The following LRP1 variants were observed in gnomAD, a reference collection of about 807,000 sequenced individuals.
The protein encoded by LRP1 is LDL receptor related protein 1, also known as prolow-density lipoprotein receptor-related protein 1.
Under a neutral mutation model 541.5 loss-of-function variants are expected in LRP1, and 51 were observed. The ratio of observed to expected loss-of-function variants is 0.09; its 90% confidence interval spans 0.08 to 0.12. The LOEUF is 0.12. Ranked by LOEUF, LRP1 falls within the 10% of genes least tolerant of loss-of-function variation. The pLI is 1.00. For synonymous variants in LRP1, 2,219 were observed against 2,470.8 expected, an observed-to-expected ratio of 0.90 and a Z score of 3.02; for missense variants, 3,878 against 6,376.2, an observed-to-expected ratio of 0.61 and a Z score of 13.34.
intron 6 of LRP1, among the ~76,000 whole-genome samples, chr12:57,150,267 C>T (rs971809244): frequency 7.3e-6 from 1 of 136,930 alleles, no homozygotes; most frequent in Admixed American, 8.2e-5. Context: ...TCTTGGCTCA[C>T]TGCAAGCTCT....
chr12:57,181,023 G>A (rs2036154410), intron 33 of LRP1, 134 bp from the exon 34 acceptor site: 1 of 1,265,112 alleles, frequency 7.9e-7, no homozygotes, highest in Non-Finnish European at 1.1e-6. Flanking sequence ...AAACCTGAGA[G>A]CTGGGTAGGG....
At position 57,165,786 on chromosome 12, in the gene LRP1, G is replaced by T. The variant is rs781345082; in HGVS notation, c.2531-19G>T. ...ACCGGGGTCTGACTTTCCCCCTCAC[G>T]ATCCTGTGGTGCCCACAGCGAACCC... On this transcript the variant is annotated intron_variant, in intron 15 of 88. Transcript: ENST00000243077. The surrounding 1 kb of genome is among the most constrained non-coding windows in gnomAD (Gnocchi z 4.5). 6.2e-7 allele frequency: 1 copy of T among 1,605,826 alleles called. No individual in the cohort carries two copies. The highest frequency in any genetic ancestry group is 8.5e-7 in the Non-Finnish European group (1 of 1,172,900).
In LRP1 at chr12:57,211,681, C is replaced by G. The variant is rs558905137; in HGVS notation, c.13194-69C>G. On this transcript the variant is annotated intron_variant, in intron 85 of 88. Coordinates refer to ENST00000243077, the MANE Select transcript of LRP1 (RefSeq NM_002332.3). The surrounding 1 kb of genome is among the most constrained non-coding windows in gnomAD (Gnocchi z 4.3). ...CCGTCAGGCCTCAGTGCCCACCCCC[C>G]GCCCTGTTTTCCTGGCAGCAGTGGC... 1.9e-5 allele frequency: 25 copies of G among 1,322,594 alleles called. 1 individual carries two copies. In the East Asian group the frequency reaches 5.6e-4, roughly 30 times the overall value. 81.9% of individuals were successfully genotyped at this position (1,322,594 alleles called of 1,614,324 possible). A position where few individuals can be genotyped will look rare whatever the true frequency, so the allele number is the denominator to read the frequency against.
chr12:57,202,543 T>TGGGGCCCCCCCCCCCCCCCCCCC lies in LRP1; in HGVS notation c.10711+6_10711+7insGGGGCCCCCCCCCCCCCCCCCCC. 6.6e-7 allele frequency: 1 copy of TGGGGCCCCCCCCCCCCCCCCCCC among 1,523,632 alleles called. No individual in the cohort carries two copies. Among genetic ancestry groups the TGGGGCCCCCCCCCCCCCCCCCCC allele is most frequent in the Non-Finnish European group, 8.9e-7 (1 of 1,124,810 alleles). The allele number at this position is 1,523,632 out of a possible 1,614,324, so 94.4% of individuals were successfully genotyped here. ...CTCCGATGAAGAGAGCTGCAGTACG[T>TGGGGCCCCCCCCCCCCCCCCCCC]CCCCACCCACCCAGCCCCGCATGAG... On this transcript the variant is annotated splice_region_variant and intron_variant, in intron 68 of 88. Coordinates refer to ENST00000243077, the MANE Select transcript of LRP1 (RefSeq NM_002332.3).
chr12:57,190,115 G>C (rs1181472464), intron 42 of LRP1, among the ~76,000 whole-genome samples: 1 of 152,142 alleles, frequency 6.6e-6, no homozygotes, highest in Non-Finnish European at 1.5e-5. Flanking sequence ...TTACGAGGCA[G>C]AACGGTGGCT....
At chr12:57,163,206 A>C (rs567402296) in intron 15 of LRP1, among the ~76,000 whole-genome samples, 2 of 152,314 alleles carry the variant, frequency 1.3e-5, no homozygotes, top group East Asian at 3.8e-4. Flanking sequence ...AGGGGATGGC[A>C]ATTAGGGGAA....
chr12:57,202,427 G>A lies in LRP1; in HGVS notation c.10601G>A (p.Arg3534His). ...TGACACTTGCCTCCTCCAGATGAAC[G>A]CACCTGTGAGCCATACCAGTTCCGC... The part of the protein sequence containing the change: ...SDEPKEECDE[R>H]TCEPYQFRCK... The change falls in exon 68 of 89, where the codon CGC becomes CAC. Residue 3534 changes from arginine (R) to histidine (H), a missense_variant. Arg to His is a conservative substitution (Grantham distance 29). Coordinates refer to ENST00000243077, the MANE Select transcript of LRP1 (RefSeq NM_002332.3). The A allele has an allele frequency of 1.2e-6, 2 of 1,611,942 alleles. No homozygotes were observed. Among genetic ancestry groups the A allele is most frequent in the South Asian group, 1.1e-5 (1 of 91,020 alleles).
rs7488264 is a variant in LRP1 at position 57,194,266 on chromosome 12, A to T, written c.7919-88A>T. 4.2e-6 allele frequency: 6 copies of T among 1,423,490 alleles called. No homozygotes were observed. The African/African-American group carries it at 5.7e-5, about 14-fold the overall frequency. 88.2% of individuals were successfully genotyped at this position (1,423,490 alleles called of 1,614,324 possible). On this transcript the variant is annotated intron_variant, in intron 48 of 88. Coordinates refer to ENST00000243077, the MANE Select transcript of LRP1 (RefSeq NM_002332.3). ...AGGGCACCGTTCAACTTTTGGAAAC[A>T]CATGAAGGCTCCATAGGGCTGGCAG...
chr12:57,191,022 G>C lies in LRP1; in HGVS notation c.7236+13G>C. The C allele has an allele frequency of 6.2e-7, 1 of 1,606,482 alleles. No homozygotes were observed. The highest frequency in any genetic ancestry group is 8.5e-7 in the Non-Finnish European group (1 of 1,178,344). ...CTCCCACCGCTATGTGAGTCTGCGG[G>C]GTGGGTGAGCTGGCGGGCGGCTGAG... On this transcript the variant is annotated intron_variant, in intron 43 of 88. Coordinates refer to ENST00000243077, the MANE Select transcript of LRP1 (RefSeq NM_002332.3).
intron 58 of LRP1, 45 bp from the exon 59 acceptor site, chr12:57,198,111 C>T: frequency 6.5e-7 from 1 of 1,546,186 alleles, no homozygotes; most frequent in Non-Finnish European, 8.8e-7. Context: ...TGCAGGTCCT[C>T]CCCCAGGTCA....
At chr12:57,157,041 T>C in intron 10 of LRP1, 121 bp downstream of exon 10, 3 of 1,246,490 alleles carry the variant, frequency 2.4e-6, no homozygotes, top group Non-Finnish European at 3.2e-6. Context: ...TGTCCCAGAG[T>C]GTACCTGCTA....
In LRP1 at chr12:57,195,872, C is replaced by T. The variant is rs758227407; in HGVS notation, c.8570C>T (p.Thr2857Ile). The T allele has an allele frequency of 1.9e-6, 3 of 1,613,942 alleles. No individual in the cohort carries two copies. Among genetic ancestry groups the T allele is most frequent in the South Asian group, 1.1e-5 (1 of 91,086 alleles). Reference sequence around the variant, plus strand: ...TCCATTCCTCCCCCAGAGTACCCGACCTGCGGCCCCAGTGAGTTCCGCTGT... The same window carrying T: ...TCCATTCCTCCCCCAGAGTACCCGATCTGCGGCCCCAGTGAGTTCCGCTGT... The part of the protein sequence containing the change: ...SDESPECEYP[T>I]CGPSEFRCAN... The change falls in exon 54 of 89, where the codon ACC becomes ATC. Residue 2857 changes from threonine (T) to isoleucine (I), a missense_variant. This residue lies in a region of LRP1 where 1,100 missense variants were observed against 1,827.4 expected (regional missense o/e 0.60). Transcript: ENST00000243077.
rs71461315 is a variant in LRP1 at position 57,177,730 on chromosome 12, G to C, written c.4361+139G>C. ...CGGTGGCAAAGGACTGGGCACAGGAGGAGGAGGACGGAGGGGCGTGGGGAG... is the reference window on the plus strand; with the variant it reads ...CGGTGGCAAAGGACTGGGCACAGGACGAGGAGGACGGAGGGGCGTGGGGAG... On this transcript the variant is annotated intron_variant, in intron 26 of 88. Transcript: ENST00000243077. This position sits in a 1 kb window ranked among gnomAD's most constrained non-coding sequence, Gnocchi z 6.8. 9 of 1,024,612 alleles carry C rather than the reference G, an allele frequency of 8.8e-6. No homozygotes were observed. The African/African-American group carries it at 1.1e-4, about 13-fold the overall frequency. The allele number at this position is 1,024,612 out of a possible 1,614,324, so 63.5% of individuals were successfully genotyped here. A position where few individuals can be genotyped will look rare whatever the true frequency, so the allele number is the denominator to read the frequency against.
Position 57,185,034 on chromosome 12 carries a change from C to A in LRP1, c.6338+44C>A, listed in dbSNP as rs754929753. ...GCCTCCTCAGCTGATCTCTTCCTTC[C>A]CTCCTGCCTCCACTGATGCCCTGCT... is the stretch of plus-strand genomic sequence containing the variant. On this transcript the variant is annotated intron_variant, in intron 39 of 88. Transcript: ENST00000243077. The surrounding 1 kb of genome is among the most constrained non-coding windows in gnomAD (Gnocchi z 4.9). 6.0e-5 allele frequency: 97 copies of A among 1,613,756 alleles called. No individual in the cohort carries two copies. Among genetic ancestry groups the A allele is most frequent in the Middle Eastern group, 3.3e-4 (2 of 6,084 alleles).
At chr12:57,131,909 C>G (rs1353289888) in intron 1 of LRP1, 1 of 152,502 alleles carries the variant, frequency 6.6e-6, no homozygotes, top group Non-Finnish European at 1.5e-5. Context: ...AAGTCTATCT[C>G]TCTTTCCTCC....
chr12:57,175,862 C>T (rs2036035832), intron 23 of LRP1, 47 bp from the exon 24 acceptor site: 2 of 1,601,554 alleles, frequency 1.2e-6, no homozygotes, highest in Non-Finnish European at 1.7e-6. Context: ...GGGTGGCACA[C>T]AGGCAGCTAG....
chr12:57,195,280 C>T lies in LRP1; in HGVS notation c.8318C>T (p.Thr2773Met), dbSNP rs1411682069. Reference protein sequence around the residue: ...SDEAAHCEGKTCGPSSFSCPG... With the variant: ...SDEAAHCEGKMCGPSSFSCPG... The stretch of plus-strand genomic sequence containing the variant: ...CTCTCTCCCCCTACAGAAGGCAAGA[C>T]GTGCGGCCCCTCCTCCTTCTCCTGC... Residue 2773 changes from threonine to methionine, a missense_variant, in exon 52 of 89, where the codon ACG (threonine) becomes ATG (methionine). By Grantham distance (81) the Thr-to-Met change is moderately conservative. Around this residue, in one of 13 missense-constraint regions of LRP1, gnomAD observed 1,100 missense variants for 1,827.4 expected, o/e 0.60. Transcript: ENST00000243077. 2.2e-5 allele frequency: 36 copies of T among 1,613,938 alleles called. No individual in the cohort carries two copies. Among genetic ancestry groups the T allele is most frequent in the East Asian group, 4.5e-5 (2 of 44,886 alleles).
chr12:57,193,020 G>A (rs1485955835), intron 45 of LRP1, 50 bp downstream of exon 45: 8 of 1,600,548 alleles, frequency 5.0e-6, no homozygotes, highest in Non-Finnish European at 6.8e-6. Context: ...GCACACACCA[G>A]GGATGGTGAC....
At chr12:57,196,361 C>A in intron 55 of LRP1, 84 bp downstream of exon 55, 1 of 1,283,450 alleles carries the variant, frequency 7.8e-7, no homozygotes, top group South Asian at 1.5e-5. Context: ...TTCATTCATC[C>A]CCTAGACAGT....
Sources: allele counts gnomAD v4.1 joint callset (sites outside exome capture counted in the v4.1 genomes callset), GRCh38; gene constraint gnomAD v4.1.1; regional missense constraint gnomAD v4.1.1; non-coding constraint Gnocchi (gnomAD v3.1); transcripts MANE v1.5; gene names NCBI Gene and HGNC (gene_info 2026-07-23, HGNC 2026-07-21).